The following VWDE variants were observed in gnomAD, a reference collection of about 807,000 sequenced individuals.
The protein encoded by VWDE is von Willebrand factor D and EGF domains.
Under a neutral mutation model 178.4 loss-of-function variants are expected in VWDE, and 207 were observed. The ratio of observed to expected loss-of-function variants is 1.16; its 90% CI spans 1.04 to 1.30. The LOEUF is 1.30. Among genes scored for constraint, VWDE ranks in the 50% most tolerant of loss-of-function variants. The pLI is 0.00. For missense variants in VWDE, 2,287 were observed against 1,901.3 expected (o/e 1.20, Z -3.77); for synonymous variants, 738 against 651.4 (o/e 1.13, Z -2.02).
chr7:12,358,008 C>G (rs993020990), intron 16 of VWDE, among the ~76,000 whole-genome samples: 1 of 152,096 alleles, frequency 6.6e-6, no homozygotes, highest in South Asian at 2.1e-4. Context: ...AGCTATAATA[C>G]GTGGAAGCCA....
chr7:12,400,633 A>G (rs1389734579), intron 1 of VWDE, among the ~76,000 whole-genome samples: 3 of 152,158 alleles, frequency 2.0e-5, no homozygotes. Context: ...AAAAAGAATT[A>G]CCACCAATTT....
At chr7:12,364,249 C>T (rs957259409) in intron 13 of VWDE, among the ~76,000 whole-genome samples, 32 of 152,152 alleles carry the variant, frequency 2.1e-4, no homozygotes, top group Admixed American at 2.1e-3. Context: ...GATTTTCTAA[C>T]TGTATCCATT....
At chr7:12,377,674 A>G in intron 7 of VWDE, 102 bp downstream of exon 7, 1 of 676,876 alleles carries the variant, frequency 1.5e-6, no homozygotes, top group Non-Finnish European at 2.1e-6. Context: ...AACATGCAAC[A>G]TGATTTATTA....
In VWDE at chr7:12,343,077, G is replaced by T; in HGVS notation, c.4174+6C>A. 1 of 1,546,132 alleles carries T rather than the reference G, an allele frequency of 6.5e-7. No individual in the cohort carries two copies. Among genetic ancestry groups the T allele is most frequent in the South Asian group, 1.2e-5 (1 of 83,694 alleles). On this transcript the variant is annotated splice_donor_region_variant and intron_variant, in intron 22 of 28. Transcript: ENST00000275358. ...TTATATCAGACATCAGGAGAGCTTT[G>T]CTTACTTGTTTCACACCTTGGTCCT...
At chr7:12,337,437 A>G (rs1781107911) in intron 24 of VWDE, among the ~76,000 whole-genome samples, 165 bp from the exon 25 acceptor site, 2 of 152,242 alleles carry the variant, frequency 1.3e-5, no homozygotes, top group African/African-American at 2.4e-5. Context: ...ATGAAATGCA[A>G]TGCTTATACC....
intron 15 of VWDE, among the ~76,000 whole-genome samples, chr7:12,360,892 A>G (rs1205780539): frequency 5.3e-5 from 8 of 152,214 alleles, no homozygotes; most frequent in Non-Finnish European, 1.0e-4. Flanking sequence ...GTAGGAGTGA[A>G]GTAGTAAATA....
chr7:12,351,747 TAAAC>T (rs1562474658), intron 18 of VWDE, 34 bp from the exon 19 acceptor site: 4 of 1,506,034 alleles, frequency 2.7e-6, no homozygotes, highest in Non-Finnish European at 3.6e-6. Flanking sequence ...AGATTAGACT[TAAAC>T]TATTAGACAA....
intron 24 of VWDE, among the ~76,000 whole-genome samples, chr7:12,338,321 A>G (rs1381567568): frequency 6.6e-6 from 1 of 151,788 alleles, no homozygotes; most frequent in Admixed American, 6.6e-5. Flanking sequence ...TTTTATTGAT[A>G]CTTTTTATTG....
At chr7:12,388,523 T>C (rs1784215979) in intron 3 of VWDE, among the ~76,000 whole-genome samples, 1 of 152,220 alleles carries the variant, frequency 6.6e-6, no homozygotes, top group Non-Finnish European at 1.5e-5. Context: ...TAAAGACGCT[T>C]CGTTTCCTTG....
intron 21 of VWDE, 105 bp downstream of exon 21, chr7:12,344,090 T>C (rs1186854294): frequency 6.3e-6 from 5 of 790,992 alleles, no homozygotes; most frequent in Non-Finnish European, 9.9e-6. Context: ...GATAAGAATA[T>C]TTTAATATAT....
At chr7:12,358,928 C>A (rs555314648) in intron 16 of VWDE, among the ~76,000 whole-genome samples, 6 of 152,152 alleles carry the variant, frequency 3.9e-5, no homozygotes, top group Non-Finnish European at 5.9e-5. Flanking sequence ...TATGCACATA[C>A]AATTATAATG....
At chr7:12,348,633 GT>G (rs1431994441) in intron 19 of VWDE, among the ~76,000 whole-genome samples, 40 of 147,454 alleles carry the variant, frequency 2.7e-4, no homozygotes, top group African/African-American at 1.0e-3. Context: ...TGGTGGGACT[GT>G]AAACTAGTTC....
At chr7:12,364,274 G>T (rs184866000) in intron 13 of VWDE, among the ~76,000 whole-genome samples, 1 of 151,784 alleles carries the variant, frequency 6.6e-6, no homozygotes, top group African/African-American at 2.4e-5. Context: ...GGGCCAAGAA[G>T]GATTAACTAC....
intron 1 of VWDE, among the ~76,000 whole-genome samples, chr7:12,402,618 A>C (rs564505600): frequency 2.0e-5 from 3 of 152,346 alleles, no homozygotes; most frequent in African/African-American, 7.2e-5. Flanking sequence ...TGTAATGAAC[A>C]GATATATGTT....
At chr7:12,385,412 G>C in intron 3 of VWDE, among the ~76,000 whole-genome samples, 1 of 152,272 alleles carries the variant, frequency 6.6e-6, no homozygotes, top group South Asian at 2.1e-4. Flanking sequence ...TGATAAGAAG[G>C]CTTTTTCCAA....
chr7:12,339,372 T>A (rs1402385149), intron 24 of VWDE, among the ~76,000 whole-genome samples: 1 of 152,290 alleles, frequency 6.6e-6, no homozygotes, highest in East Asian at 1.9e-4. Context: ...ACTACATATA[T>A]AACTCTTTAG....
At chr7:12,346,072 T>A (rs1781580951) in intron 19 of VWDE, among the ~76,000 whole-genome samples, 1 of 152,206 alleles carries the variant, frequency 6.6e-6, no homozygotes, top group Non-Finnish European at 1.5e-5. Context: ...TCTACACATG[T>A]CTAACATTGT....
rs1583323031 is a variant in VWDE at position 12,374,624 on chromosome 7, T to G, written c.1316+65A>C. 5.0e-6 allele frequency: 6 copies of G among 1,205,462 alleles called. No individual in the cohort carries two copies. In the East Asian group the frequency reaches 1.6e-4, roughly 31 times the overall value. The allele number at this position is 1,205,462 out of a possible 1,614,324, so 74.7% of individuals were successfully genotyped here. A position where few individuals can be genotyped will look rare whatever the true frequency, so the allele number is the denominator to read the frequency against. ...AAAAAATTATAAAACAATACACTGTTTAAAATAAAACAACAAAATCAAAGC... is the reference window on the plus strand; with the variant it reads ...AAAAAATTATAAAACAATACACTGTGTAAAATAAAACAACAAAATCAAAGC... On this transcript the variant is annotated intron_variant, in intron 9 of 28. Coordinates refer to ENST00000275358, the MANE Select transcript of VWDE (RefSeq NM_001135924.3).
intron 19 of VWDE, among the ~76,000 whole-genome samples, chr7:12,345,506 G>A (rs1254673121): frequency 1.3e-5 from 2 of 152,078 alleles, no homozygotes; most frequent in Non-Finnish European, 2.9e-5. Flanking sequence ...CCAGCACAAG[G>A]TGATATTTTG....
Sources: allele counts gnomAD v4.1 joint callset (sites outside exome capture counted in the v4.1 genomes callset), GRCh38; gene constraint gnomAD v4.1.1; transcripts MANE v1.5; gene names NCBI Gene and HGNC (gene_info 2026-07-23, HGNC 2026-07-21).